The following NIPAL2 variants were observed in gnomAD, a reference collection of about 807,000 sequenced individuals.
NIPAL2 encodes the protein NIPA-like protein 2.
In NIPAL2, 43 loss-of-function variants were observed where a neutral mutation model predicts 48.9. That is an observed-to-expected ratio of 0.88 (90% CI 0.69 to 1.13). The LOEUF (loss-of-function observed/expected upper bound fraction) is 1.13. NIPAL2 is among the 50% of genes most tolerant of loss of function. The probability of loss-of-function intolerance (pLI) is 0.00; values close to 1 mark genes in which losing one functional copy is unlikely to be tolerated. For synonymous variants in NIPAL2, 167 were observed against 174.6 expected (o/e 0.96, Z 0.34); for missense variants, 446 against 461.4 (o/e 0.97, Z 0.31).
rs56131567 is a variant in NIPAL2, at chr8:98,244,202, CA to C, written c.377-7989del. Among the ~76,000 whole-genome samples, 137 of 104,330 alleles carry C rather than the reference CA, an allele frequency of 1.3e-3. 1 individual carries two copies. The highest frequency in any genetic ancestry group is 3.1e-3 in the African/African-American group (76 of 24,618). The allele number at this position is 104,330 out of a possible 152,430, so 68.4% of individuals were successfully genotyped here. On this transcript the variant is annotated intron_variant, in intron 3 of 10. Coordinates refer to ENST00000430223, the MANE Select transcript of NIPAL2 (RefSeq NM_001321635.2). ...GGCCTTTAAGGTAATCCTCTGAAGA[CA>C]AAAAAAAAAATGAGGGGGGTGTGGG... is the stretch of plus-strand genomic sequence containing the variant.
intron 1 of NIPAL2, among the ~76,000 whole-genome samples, chr8:98,283,137 C>T (rs571462861): frequency 6.6e-5 from 10 of 152,246 alleles, no homozygotes; most frequent in South Asian, 2.1e-4. Context: ...CAATTAAGAA[C>T]GATTACATTT....
At chr8:98,248,394 A>G (rs1813409030) in intron 3 of NIPAL2, among the ~76,000 whole-genome samples, 1 of 152,266 alleles carries the variant, frequency 6.6e-6, no homozygotes. Context: ...CATAGTGACA[A>G]TAGCCAGTGT....
chr8:98,246,556 C>T (rs1813315766), intron 3 of NIPAL2, among the ~76,000 whole-genome samples: 1 of 152,172 alleles, frequency 6.6e-6, no homozygotes, highest in Non-Finnish European at 1.5e-5. Flanking sequence ...ATCCCAAAGT[C>T]AATCTATTTA....
intron 3 of NIPAL2, among the ~76,000 whole-genome samples, chr8:98,245,607 G>T (rs910864427): frequency 2.0e-5 from 3 of 152,154 alleles, no homozygotes; most frequent in African/African-American, 7.2e-5. Context: ...ATGCGTTAAT[G>T]TTAAAGTTGA....
intron 1 of NIPAL2, among the ~76,000 whole-genome samples, chr8:98,292,692 C>T (rs939701210): frequency 6.7e-6 from 1 of 149,974 alleles, no homozygotes; most frequent in Non-Finnish European, 1.5e-5. Flanking sequence ...AAAACAATGT[C>T]CTGTTTTTGG....
intron 1 of NIPAL2, among the ~76,000 whole-genome samples, chr8:98,272,466 T>A (rs1459645489): frequency 6.6e-6 from 1 of 152,212 alleles, no homozygotes; most frequent in African/African-American, 2.4e-5. Context: ...TTTCATTTGA[T>A]AAAATGCATA....
chr8:98,233,042 G>A (rs529089657), intron 4 of NIPAL2, among the ~76,000 whole-genome samples: 7 of 152,240 alleles, frequency 4.6e-5, no homozygotes, highest in African/African-American at 1.7e-4. Context: ...CGTGGATCAT[G>A]AGCTCAGGAG....
chr8:98,250,748 G>GGTGGGTGGA (rs1813545643), intron 3 of NIPAL2, among the ~76,000 whole-genome samples: 1 of 152,210 alleles, frequency 6.6e-6, no homozygotes, highest in Admixed American at 6.5e-5. Context: ...GGGTGGACCA[G>GGTGGGTGGA]CTCACAGAGG....
chr8:98,214,627 G>A (rs889883222), intron 5 of NIPAL2, among the ~76,000 whole-genome samples: 12 of 151,786 alleles, frequency 7.9e-5, no homozygotes, highest in African/African-American at 1.7e-4. Context: ...TACCTACAAC[G>A]CCCTCTCTAA....
intron 3 of NIPAL2, among the ~76,000 whole-genome samples, chr8:98,240,576 T>A (rs1237715753): frequency 1.3e-5 from 2 of 152,126 alleles, no homozygotes; most frequent in Non-Finnish European, 2.9e-5. Context: ...CATCTTATCT[T>A]GGGGCCGATA....
intron 3 of NIPAL2, among the ~76,000 whole-genome samples, chr8:98,242,894 A>G (rs1236687532): frequency 3.9e-5 from 6 of 152,168 alleles, no homozygotes; most frequent in Admixed American, 3.3e-4. Context: ...AAAACACCAC[A>G]CTGTACCCCA....
intron 1 of NIPAL2, among the ~76,000 whole-genome samples, chr8:98,264,081 C>A (rs1412715874): frequency 6.6e-6 from 1 of 151,934 alleles, no homozygotes; most frequent in Non-Finnish European, 1.5e-5. Context: ...AATTCAACAA[C>A]CCTTATGCTA....
At chr8:98,265,233 G>T (rs1814636768) in intron 1 of NIPAL2, among the ~76,000 whole-genome samples, 1 of 151,622 alleles carries the variant, frequency 6.6e-6, no homozygotes, top group South Asian at 2.1e-4. Context: ...AAGGACTTCA[G>T]GTCTAAAACA....
At chr8:98,241,917 A>G (rs1813000663) in intron 3 of NIPAL2, among the ~76,000 whole-genome samples, 1 of 152,170 alleles carries the variant, frequency 6.6e-6, no homozygotes, top group Non-Finnish European at 1.5e-5. Context: ...GGAGAGTTTA[A>G]GTTTATTACA....
chr8:98,276,712 C>T (rs1478513350), intron 1 of NIPAL2, among the ~76,000 whole-genome samples: 4 of 151,982 alleles, frequency 2.6e-5, no homozygotes, highest in African/African-American at 4.8e-5. Flanking sequence ...TTGTTCCATA[C>T]AGTCAATGCT....
chr8:98,198,018 A>G (rs989589538), intron 8 of NIPAL2, among the ~76,000 whole-genome samples: 2 of 152,240 alleles, frequency 1.3e-5, no homozygotes, highest in Non-Finnish European at 2.9e-5. Context: ...GCTAAGATCA[A>G]TCGGCAGAAT....
chr8:98,242,705 T>C (rs1813059829), intron 3 of NIPAL2, among the ~76,000 whole-genome samples: 1 of 152,016 alleles, frequency 6.6e-6, no homozygotes, highest in South Asian at 2.1e-4. Context: ...AGGCTGGTTC[T>C]GAGCTCCTAA....
At chr8:98,235,997 T>C (rs906272433) in intron 4 of NIPAL2, among the ~76,000 whole-genome samples, 158 bp downstream of exon 4, 2 of 152,140 alleles carry the variant, frequency 1.3e-5, no homozygotes, top group African/African-American at 2.4e-5. Context: ...CGAGAAGAGA[T>C]GGCAGCTCCA....
intron 1 of NIPAL2, among the ~76,000 whole-genome samples, chr8:98,264,144 C>T (rs543974951): frequency 6.6e-6 from 1 of 151,688 alleles, no homozygotes; most frequent in Non-Finnish European, 1.5e-5. Flanking sequence ...ATAATAAGAG[C>T]TATCTATGAC....
Sources: allele counts gnomAD v4.1 joint callset (sites outside exome capture counted in the v4.1 genomes callset), GRCh38; gene constraint gnomAD v4.1.1; transcripts MANE v1.5; gene names NCBI Gene and HGNC (gene_info 2026-07-23, HGNC 2026-07-21).